Variants in RTN1 observed in about 807,000 individuals in gnomAD.
RTN1 encodes the protein reticulon 1.
RTN1 carries 25 observed loss-of-function variants against 65.5 expected under a neutral mutation model. The observed-to-expected ratio is 0.38, with a 90% confidence interval of 0.28 to 0.53. The LOEUF (loss-of-function observed/expected upper bound fraction) is 0.53. RTN1 is among the 20% of genes least tolerant of loss of function. RTN1 has a pLI of 0.79. For synonymous variants in RTN1, 471 were observed against 447.6 expected, an observed-to-expected ratio of 1.05 and a Z score of -0.66; for missense variants, 983 against 1,025.4, an observed-to-expected ratio of 0.96 and a Z score of 0.57.
rs1887053895 is a variant in RTN1, at chr14:59,827,424, A to G, written c.241+42966T>C. Among the ~76,000 whole-genome samples, 4 of 151,644 alleles carry G rather than the reference A, an allele frequency of 2.6e-5. No individual in the cohort carries two copies. In the South Asian group the frequency reaches 8.4e-4, roughly 32 times the overall value. On this transcript the variant is annotated intron_variant, in intron 1 of 8. Coordinates refer to ENST00000267484, the MANE Select transcript of RTN1 (RefSeq NM_021136.3). ...TTTTTTCTTTGCATCGCTTGGGTTCATTTTCTCACTGGGTTTGCCCTCCTG... is the reference window on the plus strand; with the variant it reads ...TTTTTTCTTTGCATCGCTTGGGTTCGTTTTCTCACTGGGTTTGCCCTCCTG...
At chr14:59,858,510 A>G (rs903350954) in intron 1 of RTN1, among the ~76,000 whole-genome samples, 1 of 151,720 alleles carries the variant, frequency 6.6e-6, no homozygotes, top group Non-Finnish European at 1.5e-5. Flanking sequence ...TTTGCTATGC[A>G]TAAAACAAAA....
At chr14:59,765,171 C>T (rs1390038803) in intron 1 of RTN1, among the ~76,000 whole-genome samples, 1 of 151,410 alleles carries the variant, frequency 6.6e-6, no homozygotes, top group African/African-American at 2.4e-5. Context: ...AATGCAAAGA[C>T]TAAGATAAAA....
chr14:59,654,216 G>A (rs867003116), intron 3 of RTN1, among the ~76,000 whole-genome samples: 148 of 152,114 alleles, frequency 9.7e-4, no homozygotes, highest in African/African-American at 3.5e-3. Context: ...ACCTGAGGTC[G>A]GGAGTTCGAG....
chr14:59,665,796 T>C (rs1047334919), intron 3 of RTN1, among the ~76,000 whole-genome samples: 1 of 152,038 alleles, frequency 6.6e-6, no homozygotes, highest in African/African-American at 2.4e-5. Flanking sequence ...GCAATCCTAG[T>C]CTCTGATAAA....
At chr14:59,804,323 T>A (rs1470880933) in intron 1 of RTN1, among the ~76,000 whole-genome samples, 3 of 152,112 alleles carry the variant, frequency 2.0e-5, no homozygotes, top group Admixed American at 6.5e-5. Context: ...ATGAATACCA[T>A]AGAGGCCAGT....
At chr14:59,788,235 C>T (rs1445916981) in intron 1 of RTN1, among the ~76,000 whole-genome samples, 2 of 152,164 alleles carry the variant, frequency 1.3e-5, no homozygotes, top group African/African-American at 4.8e-5. Flanking sequence ...AAATTTCCAG[C>T]AATGGGGCTG....
At chr14:59,665,749 C>A (rs539450628) in intron 3 of RTN1, among the ~76,000 whole-genome samples, 1 of 152,024 alleles carries the variant, frequency 6.6e-6, no homozygotes, top group Admixed American at 6.6e-5. Flanking sequence ...GGAGGAAGAC[C>A]TACCAAGCAA....
At chr14:59,858,126 G>A (rs1158857584) in intron 1 of RTN1, among the ~76,000 whole-genome samples, 1 of 152,148 alleles carries the variant, frequency 6.6e-6, no homozygotes, top group East Asian at 1.9e-4. Context: ...CAACTGGATG[G>A]TAATACGCCC....
intron 2 of RTN1, among the ~76,000 whole-genome samples, chr14:59,729,424 C>A (rs984347513): frequency 6.6e-6 from 1 of 152,122 alleles, no homozygotes; most frequent in African/African-American, 2.4e-5. Flanking sequence ...ACTTCATTAT[C>A]TCTCATATGA....
At chr14:59,687,679 C>T (rs112653952) in intron 3 of RTN1, among the ~76,000 whole-genome samples, 3 of 151,256 alleles carry the variant, frequency 2.0e-5, no homozygotes, top group African/African-American at 7.3e-5. Flanking sequence ...ACTTCACATC[C>T]AAGCAGATCT....
chr14:59,797,773 A>G (rs1311347922), intron 1 of RTN1, among the ~76,000 whole-genome samples: 1 of 152,198 alleles, frequency 6.6e-6, no homozygotes, highest in Non-Finnish European at 1.5e-5. Flanking sequence ...TGCTGGTTTC[A>G]TTATTTTGCC....
chr14:59,782,303 T>C (rs913690150), intron 1 of RTN1, among the ~76,000 whole-genome samples: 1 of 152,204 alleles, frequency 6.6e-6, no homozygotes. Flanking sequence ...AAGTGGGTCA[T>C]GAAGGCATTG....
At chr14:59,753,389 ATCACACATTTTATTTTTAAAACTTTTT>A (rs1332416637) in intron 1 of RTN1, among the ~76,000 whole-genome samples, 3 of 152,192 alleles carry the variant, frequency 2.0e-5, no homozygotes, top group Non-Finnish European at 4.4e-5. Context: ...ATTTGTGTAA[ATCACACATTTTATTTTTAAAACTTTTT>A]TCACACATTT....
At chr14:59,801,797 T>C (rs957389961) in intron 1 of RTN1, among the ~76,000 whole-genome samples, 1 of 152,232 alleles carries the variant, frequency 6.6e-6, no homozygotes, top group African/African-American at 2.4e-5. Flanking sequence ...AGATGGACTA[T>C]GATAAGTTAA....
chr14:59,842,429 T>C (rs1273978525), intron 1 of RTN1, among the ~76,000 whole-genome samples: 1 of 152,140 alleles, frequency 6.6e-6, no homozygotes, highest in Non-Finnish European at 1.5e-5. Flanking sequence ...ACTGGATTTG[T>C]GGGAGAAATT....
At chr14:59,832,120 C>G (rs561135379) in intron 1 of RTN1, among the ~76,000 whole-genome samples, 11 of 152,216 alleles carry the variant, frequency 7.2e-5, no homozygotes, top group African/African-American at 2.6e-4. Flanking sequence ...GGTTATACCA[C>G]CAAAATTAAA....
chr14:59,769,003 G>A (rs1885902824), intron 1 of RTN1, among the ~76,000 whole-genome samples: 1 of 152,196 alleles, frequency 6.6e-6, no homozygotes, highest in African/African-American at 2.4e-5. Context: ...AGGACTTTCA[G>A]TGCTTAAACT....
At chr14:59,666,962 C>CAAAAAAAAAAA (rs146213616) in intron 3 of RTN1, among the ~76,000 whole-genome samples, 1 of 60,106 alleles carries the variant, frequency 1.7e-5, no homozygotes, top group African/African-American at 6.7e-5. Context: ...GCCGACCAAC[C>CAAAAAAAAAAA]AAAAAAAAAA....
intron 5 of RTN1, chr14:59,604,529 T>G (rs1328990185): frequency 6.6e-6 from 1 of 152,336 alleles, no homozygotes; most frequent in East Asian, 1.9e-4. Context: ...AGGTAAGTAA[T>G]TATAATTGCC....
Sources: gnomAD v4.1 joint callset for allele counts (sites outside exome capture counted in the v4.1 genomes callset) on GRCh38, gnomAD v4.1.1 for gene constraint, MANE v1.5 for transcripts, NCBI Gene and HGNC (gene_info 2026-07-23, HGNC 2026-07-21) for gene names.